RAB13: variants seen among roughly 807,000 people sequenced by gnomAD.
The protein encoded by RAB13 is ras-related protein Rab-13.
RAB13 carries 15 observed loss-of-function variants against 29.3 expected under a neutral mutation model. That is an observed-to-expected ratio of 0.51 (90% CI 0.34 to 0.79). The LOEUF (loss-of-function observed/expected upper bound fraction) is 0.79. Ranked by LOEUF, RAB13 falls within the 30% of genes least tolerant of loss-of-function variation. The probability of loss-of-function intolerance (pLI) is 0.01; values close to 1 mark genes in which losing one functional copy is unlikely to be tolerated. For synonymous variants in RAB13, 82 were observed against 93.8 expected, an observed-to-expected ratio of 0.87 and a Z score of 0.73; for missense variants, 186 against 255.5, an observed-to-expected ratio of 0.73 and a Z score of 1.85.
In RAB13 at chr1:153,986,110, C is replaced by G; in HGVS notation, c.124+3G>C. 1 of 1,613,358 alleles carries G rather than the reference C, an allele frequency of 6.2e-7. No homozygotes were observed. Among genetic ancestry groups the G allele is most frequent in the Non-Finnish European group, 8.5e-7 (1 of 1,179,926 alleles). On this transcript the variant is annotated splice_donor_region_variant and intron_variant, in intron 1 of 7. Coordinates refer to ENST00000368575, the MANE Select transcript of RAB13 (RefSeq NM_002870.5). ...GGGTCTGGGACATGGCCAGCGGGCT[C>G]ACCGATGGTGGAGATGTAAGTGTTG...
At chr1:153,984,220 G>A (rs939329446) in intron 2 of RAB13, among the ~76,000 whole-genome samples, 2 of 150,964 alleles carry the variant, frequency 1.3e-5, no homozygotes, top group African/African-American at 4.9e-5. Flanking sequence ...ATTTGGATAG[G>A]CTGAATAATT....
chr1:153,990,220 C>A (rs1036449916), upstream of RAB13, among the ~76,000 whole-genome samples: 1 of 152,130 alleles, frequency 6.6e-6, no homozygotes, highest in Non-Finnish European at 1.5e-5. Flanking sequence ...CACACGCCAC[C>A]ACGCCTGGCT....
upstream of RAB13, among the ~76,000 whole-genome samples, chr1:153,986,867 G>GGGAT (rs1248659267): frequency 1.3e-5 from 2 of 152,116 alleles, no homozygotes; most frequent in Non-Finnish European, 2.9e-5. Context: ...TGAAAAAAGC[G>GGGAT]GGATGCGCAG....
At chr1:153,988,718 A>ATTCTCCT (rs1159616533), upstream of RAB13, among the ~76,000 whole-genome samples, 1 of 149,308 alleles carries the variant, frequency 6.7e-6, no homozygotes, top group Non-Finnish European at 1.5e-5. Flanking sequence ...GGTTCAAGCG[A>ATTCTCCT]TTCTCCTGCC....
intron 2 of RAB13, among the ~76,000 whole-genome samples, chr1:153,983,915 G>A (rs1043596670): frequency 6.6e-6 from 1 of 152,120 alleles, no homozygotes; most frequent in African/African-American, 2.4e-5. Context: ...CGTGGCTTGC[G>A]TCTATAATCC....
intron 1 of RAB13, 145 bp from the exon 2 acceptor site, chr1:153,984,926 A>G (rs1411456050): frequency 7.2e-7 from 1 of 1,387,158 alleles, no homozygotes. Flanking sequence ...GGAAATGCCA[A>G]GCTAGGAGAA....
At position 153,984,735 on chromosome 1, in the gene RAB13, G is replaced by A; in HGVS notation, c.171C>T (p.Ile57=). The stretch of plus-strand genomic sequence containing the variant: ...GACTGACTTACCAGACTTGTAGTTT[G>A]ATCTTCTTCCCCTCTATATCCACAG... ...IRTVDIEGKK[I]KLQVWDTAGQ... is the part of the protein sequence containing the mutation. Residue 57 remains isoleucine (I), a synonymous_variant, in exon 2 of 8, where the codon ATC becomes ATT. Transcript: ENST00000368575. 6.2e-7 allele frequency: 1 copy of A among 1,613,540 alleles called. No homozygotes were observed. Among genetic ancestry groups the A allele is most frequent in the South Asian group, 1.1e-5 (1 of 91,000 alleles).
At chr1:153,984,700 C>T (rs1432919666) in intron 2 of RAB13, 21 bp downstream of exon 2, 2 of 1,604,180 alleles carry the variant, frequency 1.2e-6, no homozygotes, top group Non-Finnish European at 1.7e-6. Context: ...TCTGGCGAGG[C>T]ATCCCAGAGG....
chr1:153,983,303 G>A lies in RAB13; in HGVS notation c.247-7C>T, dbSNP rs750132012. 8 of 1,612,712 alleles carry A rather than the reference G, an allele frequency of 5.0e-6. No homozygotes were observed. The South Asian group carries it at 7.7e-5, about 15-fold the overall frequency. ...CGTATACTAGGATAATGCCCTGGGA[G>A]ATGACAAAATTCACCTTGGACCATG... On this transcript the variant is annotated splice_region_variant and splice_polypyrimidine_tract_variant and intron_variant, in intron 3 of 7. Coordinates refer to ENST00000368575, the MANE Select transcript of RAB13 (RefSeq NM_002870.5).
upstream of RAB13, among the ~76,000 whole-genome samples, chr1:153,988,592 A>ATTTTTAT (rs566447663): frequency 3.4e-4 from 50 of 147,042 alleles, 2 homozygotes; most frequent in Non-Finnish European, 6.5e-4. Context: ...CGCCCGGCCT[A>ATTTTTAT]TTTTTATTTT....
At chr1:153,988,659 G>A (rs1177521326), upstream of RAB13, among the ~76,000 whole-genome samples, 1 of 149,070 alleles carries the variant, frequency 6.7e-6, no homozygotes, top group Non-Finnish European at 1.5e-5. Flanking sequence ...TGTTGCGTAG[G>A]CTGGGGTGCA....
At chr1:153,985,485 A>T in intron 1 of RAB13, 3 of 516,322 alleles carry the variant, frequency 5.8e-6, no homozygotes, top group Non-Finnish European at 7.5e-6. Flanking sequence ...ATGAGTCACC[A>T]GGCTGACTCA....
In RAB13 at chr1:153,981,869, C is replaced by T. The variant is rs957126170; in HGVS notation, c.*230G>A. The T allele has an allele frequency of 3.4e-6, 2 of 585,248 alleles. No individual in the cohort carries two copies. The highest frequency in any genetic ancestry group is 6.1e-6 in the Non-Finnish European group (2 of 326,568). The allele number at this position is 585,248 out of a possible 1,614,324, so 36.3% of individuals were successfully genotyped here. A position where few individuals can be genotyped will look rare whatever the true frequency, so the allele number is the denominator to read the frequency against. ...TCCTTCCTTTCCTCCTCCCTCTCTT[C>T]CTACCTCCTTGCCTTCTTTCACTTC... is the stretch of plus-strand genomic sequence containing the variant. On this transcript the variant is annotated 3_prime_UTR_variant, in exon 8 of 8. Transcript: ENST00000368575.
rs762679129 is a variant in RAB13, at chr1:153,983,511, C to T, written c.246+10G>A. ...ATCCTTCATCCTTTGTTCAGACCCACACTTCATACCATGGCTCCACGGTAG... is the reference window on the plus strand; with the variant it reads ...ATCCTTCATCCTTTGTTCAGACCCATACTTCATACCATGGCTCCACGGTAG... On this transcript the variant is annotated intron_variant, in intron 3 of 7. Transcript: ENST00000368575. The T allele has an allele frequency of 1.9e-6, 3 of 1,597,856 alleles. No individual in the cohort carries two copies. Among genetic ancestry groups the T allele is most frequent in the Non-Finnish European group, 1.7e-6 (2 of 1,165,224 alleles).
upstream of RAB13, among the ~76,000 whole-genome samples, chr1:153,988,241 C>T (rs1370177565): frequency 1.3e-5 from 2 of 151,000 alleles, no homozygotes; most frequent in African/African-American, 4.9e-5. Context: ...ATCCGCCCGC[C>T]TCGGCCTCCC....
chr1:153,984,113 G>A (rs1049368132), intron 2 of RAB13, among the ~76,000 whole-genome samples: 1 of 148,946 alleles, frequency 6.7e-6, no homozygotes, highest in Non-Finnish European at 1.5e-5. Flanking sequence ...GGAGGCGGAG[G>A]TTAAAGTGAG....
intron 1 of RAB13, chr1:153,985,191 A>T: frequency 1.0e-6 from 1 of 991,438 alleles, no homozygotes; most frequent in Non-Finnish European, 1.2e-6. Flanking sequence ...CTCCTAGTAG[A>T]GAGTAAGGAA....
rs1649062732 is a variant in RAB13 at position 153,983,514 on chromosome 1, T to G, written c.246+7A>C. On this transcript the variant is annotated splice_region_variant and intron_variant, in intron 3 of 7. Coordinates refer to ENST00000368575, the MANE Select transcript of RAB13 (RefSeq NM_002870.5). ...CTTCATCCTTTGTTCAGACCCACAC[T>G]TCATACCATGGCTCCACGGTAGTAG... 2 of 1,599,928 alleles carry G rather than the reference T, an allele frequency of 1.3e-6. No homozygotes were observed. Among genetic ancestry groups the G allele is most frequent in the Non-Finnish European group, 1.7e-6 (2 of 1,167,194 alleles).
At position 153,982,336 on chromosome 1, in the gene RAB13, T is replaced by TACATACACACACACAC. The variant is rs1557891548; in HGVS notation, c.534+39_534+54dup. 4 of 1,316,786 alleles carry TACATACACACACACAC rather than the reference T, an allele frequency of 3.0e-6. No homozygotes were observed. The East Asian group carries it at 9.5e-5, about 31-fold the overall frequency. 81.6% of individuals were successfully genotyped at this position (1,316,786 alleles called of 1,614,324 possible). On this transcript the variant is annotated intron_variant, in intron 7 of 7. Transcript: ENST00000368575. ...ACACACACACACACACACACACACA[T>TACATACACACACACAC]ACATACACACACACACACCCCAGAG...
Sources: gnomAD v4.1 joint callset for allele counts (sites outside exome capture counted in the v4.1 genomes callset) on GRCh38, gnomAD v4.1.1 for gene constraint, MANE v1.5 for transcripts, NCBI Gene and HGNC (gene_info 2026-07-23, HGNC 2026-07-21) for gene names.